The following PRKN variants were observed in gnomAD, a reference collection of about 807,000 sequenced individuals.
The protein encoded by PRKN is parkin RBR E3 ubiquitin protein ligase, also known as E3 ubiquitin-protein ligase parkin.
Under a neutral mutation model 59.5 loss-of-function variants are expected in PRKN, and 56 were observed. That is an observed-to-expected ratio of 0.94 (90% CI 0.76 to 1.18). The LOEUF (loss-of-function observed/expected upper bound fraction) is 1.18, where lower values mean the gene tolerates loss of function less well. PRKN is among the 50% of genes most tolerant of loss of function. The pLI, the probability that PRKN is intolerant of heterozygous loss-of-function variation, is 0.00. For missense variants in PRKN, 657 were observed against 596.4 expected (o/e 1.10, Z -1.06); for synonymous variants, 250 against 222.1 (o/e 1.13, Z -1.12).
intron 7 of PRKN, among the ~76,000 whole-genome samples, chr6:161,784,683 T>C (rs1266526802): frequency 2.0e-5 from 3 of 152,140 alleles, no homozygotes; most frequent in Non-Finnish European, 2.9e-5. Context: ...GGTGGCAATA[T>C]AAAACGGTAC....
At chr6:162,198,400 G>A (rs1784584095) in intron 4 of PRKN, among the ~76,000 whole-genome samples, 2 of 150,794 alleles carry the variant, frequency 1.3e-5, no homozygotes, top group Admixed American at 1.3e-4. Flanking sequence ...AGGTAGGGGT[G>A]GTTTTACTTC....
Position 161,910,019 on chromosome 6 carries a change from T to C in PRKN, c.734+63283A>G, listed in dbSNP as rs79731777. 4.3e-3 allele frequency among the ~76,000 whole-genome samples: 662 copies of C among 152,278 alleles called. 6 individuals are homozygous for C. The highest frequency in any genetic ancestry group is 0.015 in the African/African-American group (632 of 41,558). On this transcript the variant is annotated intron_variant, in intron 6 of 11. Transcript: ENST00000366898. ...GCAACATGAAGGGGAATTTGGAAGA[T>C]GCTGACGCTAGCCCTCATGGGTGAT...
chr6:161,549,045 C>A lies in PRKN; in HGVS notation c.934-42G>T, dbSNP rs1385814039. ...GCAGATTGAGCTTTCAAACTGACTGCAAATTTCAGCCAAAGGGTTAGGAGC... is the reference window on the plus strand; with the variant it reads ...GCAGATTGAGCTTTCAAACTGACTGAAAATTTCAGCCAAAGGGTTAGGAGC... On this transcript the variant is annotated intron_variant, in intron 8 of 11. Transcript: ENST00000366898. This position sits in a 1 kb window ranked among gnomAD's most constrained non-coding sequence, Gnocchi z 6.0. 1.9e-6 allele frequency: 3 copies of A among 1,612,236 alleles called. No homozygotes were observed. The highest frequency in any genetic ancestry group is 2.5e-6 in the Non-Finnish European group (3 of 1,178,416).
intron 3 of PRKN, among the ~76,000 whole-genome samples, chr6:162,226,469 T>A (rs1244253774): frequency 1.3e-5 from 2 of 152,168 alleles, no homozygotes; most frequent in Non-Finnish European, 2.9e-5. Flanking sequence ...ATTACTGCAA[T>A]TTGGGAGAAA....
At chr6:162,159,620 AG>A (rs1782671769) in intron 4 of PRKN, among the ~76,000 whole-genome samples, 2 of 152,334 alleles carry the variant, frequency 1.3e-5, no homozygotes, top group African/African-American at 4.8e-5. Flanking sequence ...AAATTTCATA[AG>A]GGAATAAAAA....
chr6:161,668,773 C>T (rs536697049), intron 7 of PRKN, among the ~76,000 whole-genome samples: 23 of 152,240 alleles, frequency 1.5e-4, no homozygotes, highest in East Asian at 5.8e-4. Context: ...AATCCTATGG[C>T]GCAGGAAGAT....
intron 2 of PRKN, among the ~76,000 whole-genome samples, chr6:162,436,148 CCT>C (rs1789755664): frequency 6.6e-5 from 8 of 120,668 alleles, no homozygotes; most frequent in Non-Finnish European, 1.3e-4. Context: ...TGCACTCCAG[CCT>C]AGGCGACAGA....
chr6:162,331,517 T>C lies in PRKN; in HGVS notation c.172-68752A>G, dbSNP rs75822135. 6.2e-3 allele frequency among the ~76,000 whole-genome samples: 939 copies of C among 152,314 alleles called. 4 individuals are homozygous for C. Among genetic ancestry groups the C allele is most frequent in the African/African-American group, 0.022 (898 of 41,580 alleles). Reference sequence around the variant, plus strand: ...GAAAACATTTTTACAGCTTCCCATCTTTCTTCCTACTTATCCTTGGTTACT... The same window carrying C: ...GAAAACATTTTTACAGCTTCCCATCCTTCTTCCTACTTATCCTTGGTTACT... On this transcript the variant is annotated intron_variant, in intron 2 of 11. Coordinates refer to ENST00000366898, the MANE Select transcript of PRKN (RefSeq NM_004562.3).
intron 3 of PRKN, among the ~76,000 whole-genome samples, chr6:162,249,157 C>T (rs778074551): frequency 3.3e-5 from 5 of 152,126 alleles, no homozygotes; most frequent in Non-Finnish European, 7.4e-5. Flanking sequence ...GGATTACAGG[C>T]GTGAGCCACC....
chr6:161,418,318 A>C (rs1056482857), intron 9 of PRKN, among the ~76,000 whole-genome samples: 5 of 152,196 alleles, frequency 3.3e-5, no homozygotes, highest in African/African-American at 1.2e-4. Flanking sequence ...TACTTGGAGC[A>C]GCTCTGACAA....
intron 1 of PRKN, among the ~76,000 whole-genome samples, chr6:162,465,416 G>C (rs562561770): frequency 2.0e-5 from 3 of 152,212 alleles, no homozygotes; most frequent in African/African-American, 7.2e-5. Context: ...ACTTAATAGA[G>C]AGAACACTAT....
intron 6 of PRKN, among the ~76,000 whole-genome samples, chr6:161,864,467 G>A (rs1794032087): frequency 6.6e-6 from 1 of 152,130 alleles, no homozygotes; most frequent in African/African-American, 2.4e-5. Flanking sequence ...CACCATATCT[G>A]CAGTCACTTC....
Position 161,646,082 on chromosome 6 carries a change from T to C in PRKN, c.872-76666A>G, listed in dbSNP as rs113735406. On this transcript the variant is annotated intron_variant, in intron 7 of 11. Coordinates refer to ENST00000366898, the MANE Select transcript of PRKN (RefSeq NM_004562.3). ...CGTATCAGTGACAGTGGTGACTGCG[T>C]GTGCGTGCGTGGCGGAGGAGGCGGC... 1.1e-4 allele frequency among the ~76,000 whole-genome samples: 9 copies of C among 78,468 alleles called. No individual in the cohort carries two copies. The East Asian group carries it at 1.3e-3, about 12-fold the overall frequency. The allele number at this position is 78,468 out of a possible 152,430, so 51.5% of individuals were successfully genotyped here. A position where few individuals can be genotyped will look rare whatever the true frequency, so the allele number is the denominator to read the frequency against.
At chr6:161,886,621 C>T (rs907999344) in intron 6 of PRKN, among the ~76,000 whole-genome samples, 2 of 151,868 alleles carry the variant, frequency 1.3e-5, no homozygotes, top group South Asian at 4.2e-4. Context: ...CACTTGAACC[C>T]GGGAGGTGGA....
rs116407907 is a variant in PRKN at position 161,396,999 on chromosome 6, G to A, written c.1084-10122C>T. On this transcript the variant is annotated intron_variant, in intron 9 of 11. Coordinates refer to ENST00000366898, the MANE Select transcript of PRKN (RefSeq NM_004562.3). This position sits in a 1 kb window ranked among gnomAD's most constrained non-coding sequence, Gnocchi z 5.4. ...TTGTATGTTGAGCAGTCTCATAGGT[G>A]CCCTGCAGGTATACCTGTTCTGGCC... Among the ~76,000 whole-genome samples, 2,208 of 152,274 alleles carry A rather than the reference G, an allele frequency of 0.015. 55 individuals carry two copies. Among genetic ancestry groups the A allele is most frequent in the African/African-American group, 0.051 (2,103 of 41,540 alleles).
At chr6:162,670,272 AT>A (rs2128230060) in intron 1 of PRKN, among the ~76,000 whole-genome samples, 1 of 152,324 alleles carries the variant, frequency 6.6e-6, no homozygotes, top group South Asian at 2.1e-4. Flanking sequence ...AACGAAAAAA[AT>A]CTTTATGACA....
chr6:162,700,033 G>A (rs1400881548), intron 1 of PRKN, among the ~76,000 whole-genome samples: 1 of 152,006 alleles, frequency 6.6e-6, no homozygotes, highest in African/African-American at 2.4e-5. Flanking sequence ...AATCATTGAC[G>A]AGCTAACTTC....
rs1779757207 is a variant in PRKN, at chr6:161,545,283, A to G, written c.1083+3571T>C. ...ATAAATCTGTGAACCACATCCTGAT[A>G]ATCACTGGAGTTAATGACGTCTAGG... is the stretch of plus-strand genomic sequence containing the variant. On this transcript the variant is annotated intron_variant, in intron 9 of 11. Transcript: ENST00000366898. This position sits in a 1 kb window ranked among gnomAD's most constrained non-coding sequence, Gnocchi z 4.1. 6.7e-7 allele frequency: 1 copy of G among 1,490,906 alleles called. No homozygotes were observed. Among genetic ancestry groups the G allele is most frequent in the African/African-American group, 1.4e-5 (1 of 71,392 alleles). 92.4% of individuals were successfully genotyped at this position (1,490,906 alleles called of 1,614,324 possible).
At chr6:162,168,556 C>CAAAAAAAAAAA (rs771060815) in intron 4 of PRKN, among the ~76,000 whole-genome samples, 1 of 47,316 alleles carries the variant, frequency 2.1e-5, no homozygotes, top group African/African-American at 7.7e-5. Flanking sequence ...ATCTGTTTTA[C>CAAAAAAAAAAA]AAAAAAAAAA....
Sources: gnomAD v4.1 joint callset for allele counts (sites outside exome capture counted in the v4.1 genomes callset) on GRCh38, gnomAD v4.1.1 for gene constraint, Gnocchi (gnomAD v3.1) non-coding constraint, MANE v1.5 for transcripts, NCBI Gene and HGNC (gene_info 2026-07-23, HGNC 2026-07-21) for gene names.